GABPB1: variants seen among roughly 807,000 people sequenced by gnomAD.
The protein encoded by GABPB1 is GA-binding protein subunit beta-1.
In GABPB1, 15 loss-of-function variants were observed where a neutral mutation model predicts 45.9. The ratio of observed to expected loss-of-function variants is 0.33; its 90% CI spans 0.22 to 0.50. The LOEUF is 0.50. Ranked by LOEUF, GABPB1 falls within the 20% of genes least tolerant of loss-of-function variation. The probability of loss-of-function intolerance (pLI) is 0.98; values close to 1 mark genes in which losing one functional copy is unlikely to be tolerated. For missense variants in GABPB1, 252 were observed against 457.5 expected, an observed-to-expected ratio of 0.55 and a Z score of 4.10; for synonymous variants, 143 against 154.4, an observed-to-expected ratio of 0.93 and a Z score of 0.55.
At chr15:50,307,219 C>T (rs770733946) in intron 2 of GABPB1, among the ~76,000 whole-genome samples, 1 of 152,136 alleles carries the variant, frequency 6.6e-6, no homozygotes, top group Non-Finnish European at 1.5e-5. Context: ...CCTCACCAAG[C>T]CTTGGTACTG....
chr15:50,327,417 T>G (rs907508351), intron 1 of GABPB1: 2 of 152,250 alleles, frequency 1.3e-5, no homozygotes, highest in East Asian at 3.8e-4. Flanking sequence ...AGTTTCTCCA[T>G]CCTGCTGCCA....
At chr15:50,279,205 G>A (rs1254797908) in intron 8 of GABPB1, among the ~76,000 whole-genome samples, 4 of 152,122 alleles carry the variant, frequency 2.6e-5, no homozygotes, top group South Asian at 4.1e-4. Context: ...CACTATATGA[G>A]TAAACAGGGT....
At chr15:50,279,921 C>T (rs1567468677) in intron 8 of GABPB1, among the ~76,000 whole-genome samples, 1 of 152,168 alleles carries the variant, frequency 6.6e-6, no homozygotes, top group Non-Finnish European at 1.5e-5. Context: ...TATCCTCTGC[C>T]TCCTTGACTC....
intron 4 of GABPB1, 78 bp downstream of exon 4, chr15:50,302,851 T>A: frequency 1.1e-6 from 1 of 951,612 alleles, no homozygotes; most frequent in South Asian, 1.6e-5. Context: ...ATAGTTTAAA[T>A]CATGCACAAT....
intron 4 of GABPB1, among the ~76,000 whole-genome samples, chr15:50,302,171 C>G: frequency 6.6e-6 from 1 of 151,886 alleles, no homozygotes. Flanking sequence ...TCCCAAAAGC[C>G]AAAAACAACA....
chr15:50,325,257 C>G (rs538155958), intron 1 of GABPB1, among the ~76,000 whole-genome samples: 1 of 147,972 alleles, frequency 6.8e-6, no homozygotes, highest in Non-Finnish European at 1.5e-5. Flanking sequence ...TAACTACAAA[C>G]TGGACAAATA....
chr15:50,281,858 T>C (rs1363943814), intron 8 of GABPB1, among the ~76,000 whole-genome samples: 3 of 152,244 alleles, frequency 2.0e-5, no homozygotes, highest in East Asian at 1.9e-4. Context: ...TCCTAGTATT[T>C]TGGAAGGCCA....
intron 1 of GABPB1, among the ~76,000 whole-genome samples, chr15:50,315,233 C>T (rs1266466621): frequency 3.0e-4 from 45 of 152,072 alleles, no homozygotes; most frequent in Non-Finnish European, 1.5e-5. Context: ...CCAGGCTCAA[C>T]CGATCCTCCC....
chr15:50,339,222 G>A (rs916782285), intron 1 of GABPB1, among the ~76,000 whole-genome samples: 10 of 152,212 alleles, frequency 6.6e-5, no homozygotes, highest in African/African-American at 2.4e-4. Flanking sequence ...GGAGGCTGAG[G>A]TGGGAGCACT....
At chr15:50,296,422 T>C (rs1466552598) in intron 6 of GABPB1, among the ~76,000 whole-genome samples, 1 of 152,168 alleles carries the variant, frequency 6.6e-6, no homozygotes, top group Non-Finnish European at 1.5e-5. Context: ...TAAAATAAGA[T>C]AAAATGAAAA....
At position 50,275,917 on chromosome 15, in the gene GABPB1, G is replaced by A. The variant is rs1181913801; in HGVS notation, c.*2715C>T. On this transcript the variant is annotated 3_prime_UTR_variant, in exon 9 of 9. Coordinates refer to ENST00000380877, the MANE Select transcript of GABPB1 (RefSeq NM_016654.5). ...TAGAATTTATAATTCTAGAGGTCCA[G>A]GGACTATACAGAGGGAAGTGTTAAA... 3 of 152,214 alleles carry A rather than the reference G, an allele frequency of 2.0e-5. No individual in the cohort carries two copies. Among genetic ancestry groups the A allele is most frequent in the Non-Finnish European group, 2.9e-5 (2 of 68,032 alleles). 9.4% of individuals were successfully genotyped at this position (152,214 alleles called of 1,614,324 possible). A position where few individuals can be genotyped will look rare whatever the true frequency, so the allele number is the denominator to read the frequency against.
At chr15:50,299,959 G>A (rs1010541276) in intron 6 of GABPB1, among the ~76,000 whole-genome samples, 8 of 151,994 alleles carry the variant, frequency 5.3e-5, no homozygotes, top group African/African-American at 1.7e-4. Flanking sequence ...TGGGACCACA[G>A]GAGTGGACCA....
chr15:50,306,539 A>C (rs936731702), intron 2 of GABPB1, among the ~76,000 whole-genome samples: 1 of 151,614 alleles, frequency 6.6e-6, no homozygotes, highest in Non-Finnish European at 1.5e-5. Flanking sequence ...AGGCAGGAGA[A>C]TCACTTGAAC....
At chr15:50,313,297 A>T (rs2047194477) in intron 1 of GABPB1, among the ~76,000 whole-genome samples, 1 of 152,204 alleles carries the variant, frequency 6.6e-6, no homozygotes, top group African/African-American at 2.4e-5. Context: ...TAATCAGGTT[A>T]ACATAAAGTA....
rs370845623 is a variant in GABPB1 at position 50,331,183 on chromosome 15, A to G, written c.1-21385T>C. 7.2e-5 allele frequency among the ~76,000 whole-genome samples: 11 copies of G among 152,308 alleles called. No homozygotes were observed. In the East Asian group the frequency reaches 1.4e-3, roughly 19 times the overall value. The stretch of plus-strand genomic sequence containing the variant: ...GGCAGAAACCTCTGCCTACTACTGA[A>G]TATTTGCTTTCCTTGCTTCCCATAA... On this transcript the variant is annotated intron_variant, in intron 1 of 8. Transcript: ENST00000380877.
intron 1 of GABPB1, among the ~76,000 whole-genome samples, chr15:50,310,390 G>A (rs2047090014): frequency 6.6e-6 from 1 of 152,206 alleles, no homozygotes; most frequent in African/African-American, 2.4e-5. Flanking sequence ...ACCCCACCCA[G>A]CCAAGCTGGT....
Position 50,276,328 on chromosome 15 carries a change from A to G in GABPB1, c.*2304T>C, listed in dbSNP as rs978833620. ...ACAGCCCACCTGAAAACAGCATGAA[A>G]TAAGTGAAGGGAAGAAGACACCCAT... On this transcript the variant is annotated 3_prime_UTR_variant, in exon 9 of 9. Transcript: ENST00000380877. The G allele has an allele frequency of 6.6e-6, 1 of 152,262 alleles. No individual in the cohort carries two copies. The highest frequency in any genetic ancestry group is 2.4e-5 in the African/African-American group (1 of 41,466). 9.4% of individuals were successfully genotyped at this position (152,262 alleles called of 1,614,324 possible). A position where few individuals can be genotyped will look rare whatever the true frequency, so the allele number is the denominator to read the frequency against.
chr15:50,286,888 C>A (rs993655426), intron 7 of GABPB1, among the ~76,000 whole-genome samples: 2 of 152,118 alleles, frequency 1.3e-5, no homozygotes, highest in Non-Finnish European at 2.9e-5. Flanking sequence ...CAAGCTGAAA[C>A]CATGCGAAGC....
chr15:50,326,237 G>T (rs1396705173), intron 1 of GABPB1, among the ~76,000 whole-genome samples: 1 of 152,158 alleles, frequency 6.6e-6, no homozygotes, highest in Non-Finnish European at 1.5e-5. Flanking sequence ...ATCTAGGCCA[G>T]ACATGGTGGT....
Sources: gnomAD v4.1 joint callset for allele counts (sites outside exome capture counted in the v4.1 genomes callset) on GRCh38, gnomAD v4.1.1 for gene constraint, MANE v1.5 for transcripts, NCBI Gene and HGNC (gene_info 2026-07-23, HGNC 2026-07-21) for gene names.